The following COL15A1 variants were observed in gnomAD, a reference collection of about 807,000 sequenced individuals.
The protein encoded by COL15A1 is collagen type XV alpha 1 chain, also known as collagen alpha-1(XV) chain.
A neutral mutation model predicts 165.9 loss-of-function variants in COL15A1; 111 were observed. The ratio of observed to expected loss-of-function variants is 0.67; its 90% confidence interval spans 0.57 to 0.78. The LOEUF is 0.78. Ranked by LOEUF, COL15A1 falls within the 30% of genes least tolerant of loss-of-function variation. COL15A1 has a pLI of 0.00. For synonymous variants in COL15A1, 659 were observed against 674.8 expected (o/e 0.98, Z 0.36); for missense variants, 1,745 against 1,789.7 (o/e 0.98, Z 0.45).
chr9:99,051,301 A>G (rs949222360), intron 30 of COL15A1, among the ~76,000 whole-genome samples: 2 of 152,144 alleles, frequency 1.3e-5, no homozygotes, highest in African/African-American at 2.4e-5. Flanking sequence ...CACAGTAACC[A>G]TGGCCTTTGG....
chr9:99,046,187 C>A (rs1406597372), intron 26 of COL15A1, among the ~76,000 whole-genome samples: 1 of 152,206 alleles, frequency 6.6e-6, no homozygotes, highest in African/African-American at 2.4e-5. Context: ...CAAACACAGG[C>A]AGTAAGTGGC....
chr9:98,959,657 A>G (rs548183727), intron 2 of COL15A1, among the ~76,000 whole-genome samples: 19 of 151,552 alleles, frequency 1.3e-4, no homozygotes, highest in East Asian at 7.7e-4. Context: ...TCTCCCTTCT[A>G]TCTTCTTGCC....
At chr9:99,017,459 CTTG>C (rs1564058648) in intron 11 of COL15A1, among the ~76,000 whole-genome samples, 1 of 152,170 alleles carries the variant, frequency 6.6e-6, no homozygotes, top group Non-Finnish European at 1.5e-5. Flanking sequence ...ATGCTGCTGA[CTTG>C]TTGTAGGCCC....
At chr9:98,970,905 G>A (rs111859893) in intron 2 of COL15A1, among the ~76,000 whole-genome samples, 1,545 of 152,216 alleles carry the variant, frequency 0.01, 27 homozygotes, top group African/African-American at 0.035. Context: ...TTTGTGTGGC[G>A]TGAACCTTCG....
At chr9:98,957,148 C>A (rs1319882417) in intron 2 of COL15A1, among the ~76,000 whole-genome samples, 1 of 152,164 alleles carries the variant, frequency 6.6e-6, no homozygotes, top group African/African-American at 2.4e-5. Flanking sequence ...TGGTTGGGCC[C>A]AATATCATCA....
chr9:99,033,962 C>T (rs957545188), intron 16 of COL15A1, among the ~76,000 whole-genome samples: 8 of 152,162 alleles, frequency 5.3e-5, no homozygotes, highest in Admixed American at 4.6e-4. Context: ...TCTGTGACAT[C>T]TGCATCTAAC....
At chr9:99,052,258 A>G in intron 30 of COL15A1, 130 bp from the exon 31 acceptor site, 1 of 734,440 alleles carries the variant, frequency 1.4e-6, no homozygotes, top group Non-Finnish European at 2.5e-6. Context: ...GGGGGACTCC[A>G]GAGCCAAAGG....
At chr9:98,944,478 G>A (rs1837543474) in intron 2 of COL15A1, among the ~76,000 whole-genome samples, 2 of 152,196 alleles carry the variant, frequency 1.3e-5, no homozygotes, top group Admixed American at 1.3e-4. Context: ...CGTTGTCTGG[G>A]CACCCGAGAT....
At position 98,963,056 on chromosome 9, in the gene COL15A1, T is replaced by C. The variant is rs142157592; in HGVS notation, c.100+18806T>C. Among the ~76,000 whole-genome samples the C allele has an allele frequency of 1.6e-4, 24 of 152,344 alleles. No homozygotes were observed. The East Asian group carries it at 4.4e-3, about 28-fold the overall frequency. The stretch of plus-strand genomic sequence containing the variant: ...TGGAGCTGCTTTAGCATGGAGATCT[T>C]GGGTGGAATGTGAAGAATGCTGTCA... On this transcript the variant is annotated intron_variant, in intron 2 of 41. Transcript: ENST00000375001.
intron 6 of COL15A1, among the ~76,000 whole-genome samples, chr9:99,000,071 A>G (rs977430024): frequency 6.6e-6 from 1 of 152,096 alleles, no homozygotes; most frequent in Non-Finnish European, 1.5e-5. Flanking sequence ...GGGTTTCACC[A>G]TGTTGGCCAG....
At chr9:99,064,685 C>G (rs1825867295) in intron 39 of COL15A1, among the ~76,000 whole-genome samples, 1 of 152,166 alleles carries the variant, frequency 6.6e-6, no homozygotes, top group Admixed American at 6.5e-5. Context: ...TAGTAGCCAA[C>G]AGTGTCAAAG....
chr9:98,954,764 C>A (rs1034990982), intron 2 of COL15A1, among the ~76,000 whole-genome samples: 1 of 152,172 alleles, frequency 6.6e-6, no homozygotes, highest in Non-Finnish European at 1.5e-5. Context: ...CTCCCTGCAA[C>A]AGCATATGAG....
chr9:98,996,789 A>G (rs1173460346), intron 5 of COL15A1, 145 bp from the exon 6 acceptor site: 1 of 1,205,970 alleles, frequency 8.3e-7, no homozygotes, highest in South Asian at 1.5e-5. Flanking sequence ...GCCATTGCCC[A>G]GGTAGACACC....
intron 16 of COL15A1, 31 bp downstream of exon 16, chr9:99,025,997 T>C (rs1466706196): frequency 1.9e-6 from 3 of 1,591,006 alleles, no homozygotes; most frequent in Non-Finnish European, 2.6e-6. Context: ...TCCCACCACA[T>C]GGGAGCCACC....
chr9:98,992,172 CAG>C (rs1302479213), intron 5 of COL15A1, among the ~76,000 whole-genome samples: 12 of 152,266 alleles, frequency 7.9e-5, no homozygotes, highest in African/African-American at 2.9e-4. Flanking sequence ...CGGTCCCCGT[CAG>C]GGAGGCTTGG....
At position 99,036,153 on chromosome 9, in the gene COL15A1, T is replaced by C; in HGVS notation, c.2290-17T>C. ...CAAAGTGACTAGAAGAATATTTATT[T>C]TTGTTTATTTTTCCAGGGTCTCAAA... On this transcript the variant is annotated splice_polypyrimidine_tract_variant and intron_variant, in intron 19 of 41. Coordinates refer to ENST00000375001, the MANE Select transcript of COL15A1 (RefSeq NM_001855.5). 1 of 1,604,298 alleles carries C rather than the reference T, an allele frequency of 6.2e-7. No homozygotes were observed. The highest frequency in any genetic ancestry group is 2.2e-5 in the East Asian group (1 of 44,826).
Position 99,036,337 on chromosome 9 carries a change from A to G in COL15A1, c.2350A>G (p.Ser784Gly). ...GGGAGAAAGGGGGATGGATGGAGCCAGTATTGTGGGACCCCCTGGGCCGAG... is the reference window on the plus strand; with the variant it reads ...GGGAGAAAGGGGGATGGATGGAGCCGGTATTGTGGGACCCCCTGGGCCGAG... The part of the protein sequence containing the change: ...PKGERGMDGA[S>G]IVGPPGPRGP... Residue 784 changes from serine to glycine, a missense_variant, in exon 21 of 42, where the codon AGT (serine) becomes GGT (glycine). Transcript: ENST00000375001. 2 of 1,614,130 alleles carry G rather than the reference A, an allele frequency of 1.2e-6. No individual in the cohort carries two copies. Among genetic ancestry groups the G allele is most frequent in the Non-Finnish European group, 1.7e-6 (2 of 1,180,010 alleles).
chr9:99,057,480 C>A (rs1024793293), intron 35 of COL15A1, among the ~76,000 whole-genome samples: 1 of 152,178 alleles, frequency 6.6e-6, no homozygotes, highest in Non-Finnish European at 1.5e-5. Context: ...TAAAGAAAAT[C>A]TCTATGTAAT....
intron 8 of COL15A1, among the ~76,000 whole-genome samples, chr9:99,003,925 C>T (rs1007446808): frequency 3.3e-5 from 5 of 152,106 alleles, no homozygotes; most frequent in African/African-American, 7.2e-5. Flanking sequence ...AGCCCAGACT[C>T]GGGGGCACAG....
Sources: gnomAD v4.1 joint callset for allele counts (sites outside exome capture counted in the v4.1 genomes callset) on GRCh38, gnomAD v4.1.1 for gene constraint, MANE v1.5 for transcripts, NCBI Gene and HGNC (gene_info 2026-07-23, HGNC 2026-07-21) for gene names.